UST: variants seen among roughly 807,000 people sequenced by gnomAD.
The protein encoded by UST is uronyl 2-sulfotransferase.
A neutral mutation model predicts 45.6 loss-of-function variants in UST; 21 were observed. The ratio of observed to expected loss-of-function variants is 0.46; its 90% CI spans 0.33 to 0.66. UST has a LOEUF of 0.66. Among genes scored for constraint, UST ranks in the 30% least tolerant of loss-of-function variants. The probability of loss-of-function intolerance (pLI) is 0.02; values close to 1 mark genes in which losing one functional copy is unlikely to be tolerated. For synonymous variants in UST, 215 were observed against 200.6 expected (o/e 1.07, Z -0.61); for missense variants, 463 against 512.4 (o/e 0.90, Z 0.93).
chr6:148,919,910 C>T (rs991795678), intron 2 of UST, among the ~76,000 whole-genome samples: 3 of 152,166 alleles, frequency 2.0e-5, no homozygotes, highest in African/African-American at 7.2e-5. Flanking sequence ...CCCATATTTA[C>T]TAGAATAACA....
intron 1 of UST, among the ~76,000 whole-genome samples, chr6:148,796,829 G>A (rs1776960287): frequency 8.7e-6 from 1 of 115,470 alleles, no homozygotes; most frequent in Non-Finnish European, 1.7e-5. Flanking sequence ...TTGAGATGGA[G>A]TCTCCCTCTG....
At chr6:148,767,048 C>T (rs1776337963) in intron 1 of UST, among the ~76,000 whole-genome samples, 1 of 152,216 alleles carries the variant, frequency 6.6e-6, no homozygotes, top group Non-Finnish European at 1.5e-5. Context: ...AGGTCTGGAA[C>T]TGGGCTTGAG....
chr6:148,876,073 G>A (rs1778645618), intron 1 of UST, among the ~76,000 whole-genome samples: 1 of 152,202 alleles, frequency 6.6e-6, no homozygotes, highest in African/African-American at 2.4e-5. Context: ...TCGTGGTTCT[G>A]TAGGCTGTAC....
chr6:149,047,503 G>C (rs1410206518), intron 7 of UST, among the ~76,000 whole-genome samples: 1 of 152,178 alleles, frequency 6.6e-6, no homozygotes, highest in African/African-American at 2.4e-5. Flanking sequence ...AAATTTAAAA[G>C]TCCTTTTGGC....
intron 1 of UST, among the ~76,000 whole-genome samples, chr6:148,795,399 A>G (rs922431621): frequency 1.3e-5 from 2 of 152,166 alleles, no homozygotes; most frequent in Non-Finnish European, 2.9e-5. Flanking sequence ...GCTCACAAGC[A>G]CCTGCATCTC....
In UST at chr6:148,810,605, C is replaced by T. The variant is rs73602915; in HGVS notation, c.247+62928C>T. On this transcript the variant is annotated intron_variant, in intron 1 of 7. Transcript: ENST00000367463. The stretch of plus-strand genomic sequence containing the variant: ...TGAACCTTGATGCCCATCTGCTAAG[C>T]AATGTGGGGTCAAAATAAGTACCAG... Among the ~76,000 whole-genome samples the T allele has an allele frequency of 4.4e-3, 669 of 152,268 alleles. 6 individuals carry two copies. The highest frequency in any genetic ancestry group is 0.016 in the African/African-American group (653 of 41,544).
intron 1 of UST, among the ~76,000 whole-genome samples, chr6:148,867,512 C>A (rs1778466476): frequency 6.6e-6 from 1 of 152,104 alleles, no homozygotes; most frequent in African/African-American, 2.4e-5. Context: ...CCATCCAAAT[C>A]TCATCTTGAG....
chr6:148,912,059 T>C (rs1779486064), intron 2 of UST, among the ~76,000 whole-genome samples: 2 of 152,186 alleles, frequency 1.3e-5, no homozygotes, highest in South Asian at 4.1e-4. Context: ...TAGCTGGGCA[T>C]GGTGGTGAGC....
intron 2 of UST, among the ~76,000 whole-genome samples, chr6:148,913,423 C>CTTTTTTTTTTTTTTT (rs34110477): frequency 3.8e-5 from 3 of 79,880 alleles, no homozygotes; most frequent in African/African-American, 5.0e-5. Flanking sequence ...GACCAAAAAT[C>CTTTTTTTTTTTTTTT]TTTTTTTTTT....
chr6:148,823,911 C>T lies in UST; in HGVS notation c.248-63075C>T, dbSNP rs141537038. Among the ~76,000 whole-genome samples the T allele has an allele frequency of 4.5e-4, 69 of 152,230 alleles. 1 individual carries two copies. The East Asian group carries it at 0.01, about 23-fold the overall frequency. On this transcript the variant is annotated intron_variant, in intron 1 of 7. Coordinates refer to ENST00000367463, the MANE Select transcript of UST (RefSeq NM_005715.3). ...CCACTATTTGTCTGCAAGCAATTTT[C>T]GTGTCACTTATAAATAATCAAAAAA...
At chr6:148,997,987 G>A (rs1311310096) in intron 5 of UST, among the ~76,000 whole-genome samples, 1 of 152,180 alleles carries the variant, frequency 6.6e-6, no homozygotes, top group African/African-American at 2.4e-5. Context: ...ATAACCAGAG[G>A]TTGAAAGTGT....
chr6:148,865,639 T>C (rs1290813972), intron 1 of UST, among the ~76,000 whole-genome samples: 2 of 150,862 alleles, frequency 1.3e-5, no homozygotes, highest in Admixed American at 6.6e-5. Context: ...AGGTCCGGCA[T>C]TGACCCATTC....
chr6:149,029,477 TG>T (rs1562333896), intron 7 of UST, among the ~76,000 whole-genome samples: 1 of 145,838 alleles, frequency 6.9e-6, no homozygotes, highest in African/African-American at 2.5e-5. Context: ...ATATATATAA[TG>T]TATATATAAT....
At chr6:148,841,572 G>T (rs1049353727) in intron 1 of UST, among the ~76,000 whole-genome samples, 1 of 141,764 alleles carries the variant, frequency 7.1e-6, no homozygotes, top group Non-Finnish European at 1.5e-5. Context: ...GCCCAAGGGG[G>T]TCTGTTTTGT....
chr6:149,004,122 G>T (rs1781603430), intron 5 of UST, among the ~76,000 whole-genome samples: 1 of 152,016 alleles, frequency 6.6e-6, no homozygotes. Context: ...ATATAATATT[G>T]AATATAGTAT....
intron 1 of UST, among the ~76,000 whole-genome samples, chr6:148,776,860 G>A (rs1048732721): frequency 3.3e-5 from 5 of 152,148 alleles, no homozygotes; most frequent in Admixed American, 6.5e-5. Flanking sequence ...GGTGGGACCC[G>A]CTGTCCTGCC....
chr6:148,932,946 A>T (rs1779950331), intron 2 of UST, among the ~76,000 whole-genome samples: 1 of 152,138 alleles, frequency 6.6e-6, no homozygotes, highest in South Asian at 2.1e-4. Flanking sequence ...GAGCCTTGGG[A>T]ATCATTAGGT....
intron 1 of UST, among the ~76,000 whole-genome samples, chr6:148,815,076 G>A (rs2114735477): frequency 6.6e-6 from 1 of 152,270 alleles, no homozygotes; most frequent in South Asian, 2.1e-4. Flanking sequence ...CCACACAATG[G>A]AATACTATGC....
At chr6:148,933,631 C>A (rs1779963943) in intron 2 of UST, among the ~76,000 whole-genome samples, 1 of 152,096 alleles carries the variant, frequency 6.6e-6, no homozygotes, top group Admixed American at 6.6e-5. Flanking sequence ...CTGTGTATTT[C>A]CTCCCCTAGA....
Sources: allele counts gnomAD v4.1 joint callset (sites outside exome capture counted in the v4.1 genomes callset), GRCh38; gene constraint gnomAD v4.1.1; transcripts MANE v1.5; gene names NCBI Gene and HGNC (gene_info 2026-07-23, HGNC 2026-07-21).